The following RGS5 variants were observed in gnomAD, a reference collection of about 807,000 sequenced individuals.
The protein encoded by RGS5 is regulator of G protein signaling 5.
In RGS5, 20 loss-of-function variants were observed where a neutral mutation model predicts 18.9. That is an observed-to-expected ratio of 1.06 (90% CI 0.74 to 1.54). The LOEUF (loss-of-function observed/expected upper bound fraction) is 1.54, where lower values mean the gene tolerates loss of function less well. Among genes scored for constraint, RGS5 ranks in the 40% most tolerant of loss-of-function variants. The pLI is 0.00. For missense variants in RGS5, 201 were observed against 211.8 expected (o/e 0.95, Z 0.32); for synonymous variants, 57 against 76.2 (o/e 0.75, Z 1.31).
At chr1:163,260,082 G>A (rs1052192987) in intron 2 of RGS5, 5 of 152,132 alleles carry the variant, frequency 3.3e-5, no homozygotes, top group African/African-American at 1.2e-4. Context: ...CATTTCCAGT[G>A]TTGTATGTAA....
intron 2 of RGS5, among the ~76,000 whole-genome samples, chr1:163,293,898 C>G (rs1649356393): frequency 6.6e-6 from 1 of 152,190 alleles, no homozygotes; most frequent in African/African-American, 2.4e-5. Context: ...CTCATTAAAG[C>G]TTAAAGCTCC....
intron 1 of RGS5, among the ~76,000 whole-genome samples, chr1:163,176,621 C>CAAAA (rs11397464): frequency 8.4e-5 from 12 of 142,056 alleles, no homozygotes; most frequent in East Asian, 6.1e-4. Flanking sequence ...AACTCAGTCT[C>CAAAA]AAAAAAAAAA....
chr1:163,202,557 T>C (rs1018419025), intron 1 of RGS5, among the ~76,000 whole-genome samples: 2 of 152,224 alleles, frequency 1.3e-5, no homozygotes, highest in African/African-American at 4.8e-5. Context: ...GGAAATGATG[T>C]TCTGGATATT....
chr1:163,172,847 T>C (rs1312763567), intron 1 of RGS5, among the ~76,000 whole-genome samples: 1 of 152,176 alleles, frequency 6.6e-6, no homozygotes, highest in African/African-American at 2.4e-5. Flanking sequence ...ACTTTAAACA[T>C]TGCACTCTTT....
At chr1:163,296,646 A>C (rs1430413031) in intron 2 of RGS5, among the ~76,000 whole-genome samples, 1 of 152,176 alleles carries the variant, frequency 6.6e-6, no homozygotes, top group Non-Finnish European at 1.5e-5. Flanking sequence ...ACTAGGTTAT[A>C]GTTTATTCTA....
intron 2 of RGS5, among the ~76,000 whole-genome samples, chr1:163,292,681 C>T (rs6686268): frequency 0.63 from 95,740 of 151,788 alleles, 30,632 homozygotes; most frequent in Non-Finnish European, 0.68. Context: ...CCAACATCTG[C>T]TGTTTTTTGG....
intron 2 of RGS5, among the ~76,000 whole-genome samples, chr1:163,283,731 G>A (rs1269820926): frequency 6.6e-6 from 1 of 152,188 alleles, no homozygotes; most frequent in Non-Finnish European, 1.5e-5. Flanking sequence ...CTGCCATGTT[G>A]TGAAAGCTCA....
intron 1 of RGS5, among the ~76,000 whole-genome samples, chr1:163,197,091 G>A (rs923325011): frequency 2.0e-5 from 3 of 152,142 alleles, no homozygotes; most frequent in African/African-American, 7.2e-5. Flanking sequence ...GATGAGCACT[G>A]GAGAAGTTCC....
intron 1 of RGS5, chr1:163,318,778 A>T (rs1298449050): frequency 6.6e-6 from 1 of 152,208 alleles, no homozygotes; most frequent in African/African-American, 2.4e-5. Context: ...AATGCAAAAG[A>T]GAGGTCTAGA....
exon 1 of RGS5, chr1:163,217,577 A>G: frequency 6.5e-7 from 1 of 1,547,200 alleles, no homozygotes; most frequent in Non-Finnish European, 8.7e-7. Context: ...TATCCTGTGA[A>G]ATGTTTCTTG....
At chr1:163,221,025 G>C (rs1245225552), upstream of RGS5, among the ~76,000 whole-genome samples, 2 of 152,198 alleles carry the variant, frequency 1.3e-5, no homozygotes, top group South Asian at 4.2e-4. Flanking sequence ...CTAAGTTTGT[G>C]GTAATTTGTT....
rs145138653 is a variant in RGS5 at position 163,236,690 on chromosome 1, G to A, written c.-280-68322C>T. Among the ~76,000 whole-genome samples, 133 of 152,326 alleles carry A rather than the reference G, an allele frequency of 8.7e-4. 2 individuals are homozygous for A. The East Asian group carries it at 0.02, about 23-fold the overall frequency. ...TATAAAAATGGCCAATGGGCCAGGC[G>A]CAGTGGCTCATGCCTGTAATCCCAG... On this transcript the variant is annotated intron_variant, in intron 2 of 5. Transcript: ENST00000618415.
intron 2 of RGS5, among the ~76,000 whole-genome samples, chr1:163,283,438 G>C (rs1210489206): frequency 6.6e-6 from 1 of 152,036 alleles, no homozygotes; most frequent in Non-Finnish European, 1.5e-5. Context: ...CACCTAAAAT[G>C]GAATAATAAT....
At chr1:163,214,158 A>G (rs980851977) in intron 1 of RGS5, among the ~76,000 whole-genome samples, 1 of 152,090 alleles carries the variant, frequency 6.6e-6, no homozygotes, top group Non-Finnish European at 1.5e-5. Context: ...TCTCCAATGT[A>G]TTCTTATAGC....
At chr1:163,283,278 C>G (rs1649042351) in intron 2 of RGS5, among the ~76,000 whole-genome samples, 1 of 152,008 alleles carries the variant, frequency 6.6e-6, no homozygotes, top group African/African-American at 2.4e-5. Flanking sequence ...TCCTAGAAGA[C>G]AGGATTTGAA....
intron 1 of RGS5, among the ~76,000 whole-genome samples, chr1:163,178,184 G>A (rs990087325): frequency 1.3e-5 from 2 of 152,112 alleles, no homozygotes; most frequent in African/African-American, 2.4e-5. Context: ...GGTGGTACGT[G>A]CCTGTAGTCC....
At chr1:163,173,706 A>G (rs1658410650) in intron 1 of RGS5, among the ~76,000 whole-genome samples, 1 of 152,224 alleles carries the variant, frequency 6.6e-6, no homozygotes, top group African/African-American at 2.4e-5. Context: ...GGAACAATTG[A>G]ATATAAAACA....
chr1:163,214,368 C>T (rs1325451774), intron 1 of RGS5, among the ~76,000 whole-genome samples: 2 of 152,156 alleles, frequency 1.3e-5, no homozygotes, highest in East Asian at 3.9e-4. Flanking sequence ...CATACCTTCT[C>T]CTCAAGGCGT....
intron 1 of RGS5, among the ~76,000 whole-genome samples, chr1:163,201,489 CAA>C (rs1242480628): frequency 1.3e-5 from 2 of 151,546 alleles, no homozygotes; most frequent in African/African-American, 4.9e-5. Flanking sequence ...ATTTAAAAAA[CAA>C]TAATAATATT....
Sources: allele counts gnomAD v4.1 joint callset (sites outside exome capture counted in the v4.1 genomes callset), GRCh38; gene constraint gnomAD v4.1.1; transcripts MANE v1.5; gene names NCBI Gene and HGNC (gene_info 2026-07-23, HGNC 2026-07-21).